Variants in BBS9 observed in about 807,000 individuals in gnomAD.
BBS9 encodes the protein Bardet-Biedl syndrome 9.
BBS9 carries 89 observed loss-of-function variants against 117.7 expected under a neutral mutation model. That is an observed-to-expected ratio of 0.76 (90% CI 0.64 to 0.90). BBS9 has a LOEUF of 0.90. Ranked by LOEUF, BBS9 falls within the 40% of genes least tolerant of loss-of-function variation. The pLI is 0.00. For missense variants in BBS9, 982 were observed against 1,042.2 expected (o/e 0.94, Z 0.80); for synonymous variants, 379 against 370.9 (o/e 1.02, Z -0.25).
At chr7:33,168,971 C>G (rs1796111990) in intron 4 of BBS9, among the ~76,000 whole-genome samples, 1 of 151,972 alleles carries the variant, frequency 6.6e-6, no homozygotes, top group African/African-American at 2.4e-5. Context: ...TCCCCCCACC[C>G]CACCACAGTC....
Position 33,605,222 on chromosome 7 carries a change from A to C in BBS9, c.2660A>C (p.Glu887Ala). 1 of 1,612,708 alleles carries C rather than the reference A, an allele frequency of 6.2e-7. No individual in the cohort carries two copies. Among genetic ancestry groups the C allele is most frequent in the Non-Finnish European group, 8.5e-7 (1 of 1,178,764 alleles). ...GTTTCACCCCTCCAAGGAGTCTCGG[A>C]ATAATTCAAGTAGAGTTGTTTGGTT... ...PEVSPLQGVSE is the reference protein window; with the variant it reads ...PEVSPLQGVSA The change falls in exon 23 of 23, where the codon GAA becomes GCA. Residue 887 changes from glutamate to alanine, a missense_variant. Coordinates refer to ENST00000242067, the MANE Select transcript of BBS9 (RefSeq NM_198428.3).
At chr7:33,220,470 T>G (rs1396891890) in intron 5 of BBS9, among the ~76,000 whole-genome samples, 2 of 152,256 alleles carry the variant, frequency 1.3e-5, no homozygotes, top group African/African-American at 4.8e-5. Flanking sequence ...TGCTGTGTCC[T>G]ATTGTGGTCA....
At chr7:33,382,701 AG>A (rs1382000189) in intron 17 of BBS9, among the ~76,000 whole-genome samples, 4 of 151,420 alleles carry the variant, frequency 2.6e-5, no homozygotes, top group Non-Finnish European at 4.4e-5. Context: ...TAGGGCTGTT[AG>A]GGTTTAAATG....
rs926750987 is a variant in BBS9, at chr7:33,618,149, G to A, written c.2522-17028G>A. 3.3e-5 allele frequency among the ~76,000 whole-genome samples: 5 copies of A among 151,968 alleles called. 1 individual carries two copies. In the East Asian group the frequency reaches 9.6e-4, roughly 29 times the overall value. On this transcript the variant is annotated intron_variant, in intron 21 of 21. Coordinates refer to the BBS9 transcript ENST00000671952. ...TAGGCCAGGAATTAGAGACCAACCT[G>A]GGCAACATAGTGAGACTCTGTCTCT...
At chr7:33,494,797 G>A (rs2129001014) in intron 19 of BBS9, among the ~76,000 whole-genome samples, 1 of 152,314 alleles carries the variant, frequency 6.6e-6, no homozygotes, top group South Asian at 2.1e-4. Flanking sequence ...GGAGTTTATA[G>A]CACAGTAGAA....
At chr7:33,506,267 C>T (rs1026469388) in intron 20 of BBS9, among the ~76,000 whole-genome samples, 5 of 152,072 alleles carry the variant, frequency 3.3e-5, no homozygotes, top group Admixed American at 2.0e-4. Flanking sequence ...ATATGACCAC[C>T]ACGGGCCGTT....
At chr7:33,620,996 G>A (rs1865377125) in intron 21 of BBS9, among the ~76,000 whole-genome samples, 1 of 152,020 alleles carries the variant, frequency 6.6e-6, no homozygotes, top group Non-Finnish European at 1.5e-5. Context: ...AAAATAAATG[G>A]TGCTGAGAAA....
At chr7:33,352,974 C>G (rs976240935) in intron 15 of BBS9, 101 bp downstream of exon 15, 37 of 1,232,644 alleles carry the variant, frequency 3.0e-5, no homozygotes, top group Non-Finnish European at 4.0e-5. Context: ...ATGGACTGCT[C>G]TTTTAACTAG....
chr7:33,575,405 G>A (rs1222353237), intron 21 of BBS9, among the ~76,000 whole-genome samples: 1 of 152,062 alleles, frequency 6.6e-6, no homozygotes, highest in Admixed American at 6.6e-5. Flanking sequence ...CTGAAATGGA[G>A]GCAATAATTA....
At chr7:33,503,115 T>C (rs564477564) in intron 19 of BBS9, among the ~76,000 whole-genome samples, 1 of 152,314 alleles carries the variant, frequency 6.6e-6, no homozygotes, top group South Asian at 2.1e-4. Flanking sequence ...AACTCATGAG[T>C]GCACATGACT....
chr7:33,339,216 A>G (rs945118627), intron 10 of BBS9, among the ~76,000 whole-genome samples: 7 of 152,108 alleles, frequency 4.6e-5, no homozygotes, highest in African/African-American at 1.7e-4. Context: ...TTGGTCCTGC[A>G]TGGCTTTTGG....
At chr7:33,435,882 T>A (rs1433086633) in intron 19 of BBS9, among the ~76,000 whole-genome samples, 2 of 152,182 alleles carry the variant, frequency 1.3e-5, no homozygotes, top group Admixed American at 6.5e-5. Context: ...TGCTGAATAT[T>A]AGCCACTCCT....
intron 9 of BBS9, among the ~76,000 whole-genome samples, chr7:33,312,842 T>G (rs1442194753): frequency 1.3e-5 from 2 of 152,218 alleles, no homozygotes; most frequent in Non-Finnish European, 2.9e-5. Flanking sequence ...ATTTATTTCT[T>G]TTGTTCATTA....
At chr7:33,329,702 A>G (rs1328193569) in intron 9 of BBS9, among the ~76,000 whole-genome samples, 1 of 152,292 alleles carries the variant, frequency 6.6e-6, no homozygotes, top group East Asian at 1.9e-4. Context: ...ATGTTCTCTA[A>G]AAGGATTATA....
At chr7:33,339,007 C>T (rs1457116605) in intron 10 of BBS9, among the ~76,000 whole-genome samples, 2 of 152,154 alleles carry the variant, frequency 1.3e-5, no homozygotes, top group African/African-American at 4.8e-5. Context: ...GATGATAACA[C>T]TGAGTAGTAG....
intron 19 of BBS9, among the ~76,000 whole-genome samples, chr7:33,467,515 G>A (rs1419919): frequency 0.74 from 110,839 of 150,126 alleles, 41,434 homozygotes; most frequent in African/African-American, 0.85. Context: ...CCTGTTTTTC[G>A]CTAATGCCCT....
rs1411910378 is a variant in BBS9 at position 33,629,404 on chromosome 7, A to G, written c.2522-5773A>G. 2.6e-5 allele frequency among the ~76,000 whole-genome samples: 4 copies of G among 152,110 alleles called. No individual in the cohort carries two copies. The East Asian group carries it at 7.7e-4, about 29-fold the overall frequency. ...TTTGTTTGTTTGTTTTTTTAATTCT[A>G]AGTGACAGTGGAAAGGGCAAAGGGA... On this transcript the variant is annotated intron_variant, in intron 21 of 21. Coordinates refer to the BBS9 transcript ENST00000671952.
chr7:33,431,111 CTT>C (rs969334229), intron 19 of BBS9, among the ~76,000 whole-genome samples: 1 of 150,938 alleles, frequency 6.6e-6, no homozygotes, highest in Non-Finnish European at 1.5e-5. Flanking sequence ...GGTAGGATAA[CTT>C]GAGCCTGGGA....
intron 20 of BBS9, among the ~76,000 whole-genome samples, chr7:33,506,326 C>T (rs564413868): frequency 2.2e-4 from 34 of 151,998 alleles, no homozygotes; most frequent in Non-Finnish European, 4.7e-4. Flanking sequence ...ATACAAATCT[C>T]GGAAATTAGA....
Sources: allele counts gnomAD v4.1 joint callset (sites outside exome capture counted in the v4.1 genomes callset), GRCh38; gene constraint gnomAD v4.1.1; transcripts MANE v1.5; gene names NCBI Gene and HGNC (gene_info 2026-07-23, HGNC 2026-07-21).